Variants in NSD1 observed in about 807,000 individuals in gnomAD.
NSD1 encodes the protein nuclear receptor binding SET domain protein 1.
A neutral mutation model predicts 242.7 loss-of-function variants in NSD1; 26 were observed. That is an observed-to-expected ratio of 0.11 (90% CI 0.08 to 0.15). The LOEUF (loss-of-function observed/expected upper bound fraction) is 0.15. NSD1 is among the 10% of genes least tolerant of loss of function. NSD1 has a pLI of 1.00. For synonymous variants in NSD1, 1,106 were observed against 1,178.1 expected, an observed-to-expected ratio of 0.94 and a Z score of 1.25; for missense variants, 2,495 against 3,272.8, an observed-to-expected ratio of 0.76 and a Z score of 5.80.
At position 177,211,475 on chromosome 5, in the gene NSD1, C is replaced by T. The variant is rs2149847132; in HGVS notation, c.3076C>T (p.Pro1026Ser). 12 of 1,614,116 alleles carry T rather than the reference C, an allele frequency of 7.4e-6. No homozygotes were observed. Among genetic ancestry groups the T allele is most frequent in the Non-Finnish European group, 1.0e-5 (12 of 1,180,034 alleles). Residue 1026 changes from proline (P) to serine (S), a missense_variant, in exon 5 of 23, where the codon CCT becomes TCT. Pro to Ser is a moderately conservative substitution (Grantham distance 74, BLOSUM62 -1). Around this residue, in one of 19 missense-constraint regions of NSD1, gnomAD observed 426 missense variants for 411.4 expected, o/e 1.04. Coordinates refer to ENST00000439151, the MANE Select transcript of NSD1 (RefSeq NM_022455.5). ...VTRRNCGRSK[P>S]SSKLRDAFSA... ...TAGGCGCAACTGTGGACGATCAAAGCCTTCATCCAAATTGCGAGATGCTTT... is the reference window on the plus strand; with the variant it reads ...TAGGCGCAACTGTGGACGATCAAAGTCTTCATCCAAATTGCGAGATGCTTT...
intron 5 of NSD1, among the ~76,000 whole-genome samples, chr5:177,212,450 T>TCTTTCTCA (rs1180192648): frequency 3.3e-5 from 5 of 151,324 alleles, no homozygotes; most frequent in Non-Finnish European, 7.4e-5. Context: ...ATAACATCTT[T>TCTTTCTCA]CTTTCTCACT....
At position 177,218,865 on chromosome 5, in the gene NSD1, G is replaced by T. The variant is rs186007787; in HGVS notation, c.3796+6670G>T. On this transcript the variant is annotated intron_variant, in intron 5 of 22. Transcript: ENST00000439151. ...ATTACATGCATGAGCCACCGCGCCCGGCCCCCCCTTTTTTTTTTCTCCAGC... is the reference window on the plus strand; with the variant it reads ...ATTACATGCATGAGCCACCGCGCCCTGCCCCCCCTTTTTTTTTTCTCCAGC... Among the ~76,000 whole-genome samples the T allele has an allele frequency of 1.9e-4, 29 of 151,752 alleles. No individual in the cohort carries two copies. In the East Asian group the frequency reaches 5.2e-3, roughly 27 times the overall value.
chr5:177,209,514 G>A (rs1763159756), intron 4 of NSD1, 122 bp from the exon 5 acceptor site: 1 of 732,100 alleles, frequency 1.4e-6, no homozygotes, highest in African/African-American at 2.0e-5. Flanking sequence ...GGGCGACAGA[G>A]CAAGACTCTG....
chr5:177,258,982 T>A (rs951261650), intron 13 of NSD1, among the ~76,000 whole-genome samples: 1 of 152,058 alleles, frequency 6.6e-6, no homozygotes, highest in African/African-American at 2.4e-5. Context: ...TTACAGGTGC[T>A]TGCCACCACT....
chr5:177,223,379 C>A (rs1222531399), intron 5 of NSD1, among the ~76,000 whole-genome samples: 1 of 151,996 alleles, frequency 6.6e-6, no homozygotes, highest in Non-Finnish European at 1.5e-5. Context: ...TCGAGACCAG[C>A]CTGGCCAACG....
intron 5 of NSD1, among the ~76,000 whole-genome samples, chr5:177,232,393 C>T (rs1050346202): frequency 5.3e-5 from 8 of 152,070 alleles, no homozygotes; most frequent in Non-Finnish European, 5.9e-5. Context: ...ATCAGAAATC[C>T]AAAATGCTCC....
chr5:177,184,049 A>C (rs941520666), intron 2 of NSD1, among the ~76,000 whole-genome samples: 3 of 152,184 alleles, frequency 2.0e-5, no homozygotes, highest in Non-Finnish European at 4.4e-5. Flanking sequence ...TTGAACACTT[A>C]GGTTATTTCC....
chr5:177,255,283 C>A (rs931635905), intron 12 of NSD1, among the ~76,000 whole-genome samples: 2 of 149,698 alleles, frequency 1.3e-5, no homozygotes, highest in African/African-American at 4.9e-5. Context: ...CCATCCTGGG[C>A]GAGAGAGGGA....
intron 3 of NSD1, among the ~76,000 whole-genome samples, chr5:177,199,470 T>C (rs902089309): frequency 3.3e-5 from 5 of 152,232 alleles, no homozygotes; most frequent in African/African-American, 1.2e-4. Context: ...TTGCCCATGC[T>C]TGTCTTGAAC....
chr5:177,211,733 A>G lies in NSD1; in HGVS notation c.3334A>G (p.Ser1112Gly), dbSNP rs776070363. 2 of 1,614,162 alleles carry G rather than the reference A, an allele frequency of 1.2e-6. No individual in the cohort carries two copies. Among genetic ancestry groups the G allele is most frequent in the Admixed American group, 1.7e-5 (1 of 60,012 alleles). The change falls in exon 5 of 23, where the codon AGC (serine) becomes GGC (glycine). Residue 1112 changes from serine to glycine, a missense_variant. This residue lies in a region of NSD1 where 426 missense variants were observed against 411.4 expected (regional missense o/e 1.04). Transcript: ENST00000439151. ...GDHFSDVHFD[S>G]KVKQSDPGKI... Reference sequence around the variant, plus strand: ...CCATTTTTCTGATGTGCATTTCGATAGCAAGGTTAAGCAATCTGATCCTGG... The same window carrying G: ...CCATTTTTCTGATGTGCATTTCGATGGCAAGGTTAAGCAATCTGATCCTGG...
intron 15 of NSD1, 81 bp downstream of exon 15, chr5:177,267,799 C>G: frequency 2.2e-6 from 3 of 1,375,304 alleles, no homozygotes; most frequent in Non-Finnish European, 3.1e-6. Flanking sequence ...TAACGTATTT[C>G]TAATGATCTA....
chr5:177,158,580 C>G (rs1203732600), intron 2 of NSD1, among the ~76,000 whole-genome samples: 1 of 152,016 alleles, frequency 6.6e-6, no homozygotes, highest in Non-Finnish European at 1.5e-5. Context: ...TCAGGTGATT[C>G]ACCCACCTCG....
At chr5:177,229,834 C>G (rs960889835) in intron 5 of NSD1, 1 of 284,192 alleles carries the variant, frequency 3.5e-6, no homozygotes, top group Non-Finnish European at 7.0e-6. Flanking sequence ...ACCTCCGCCT[C>G]CCAGGTTCAA....
chr5:177,185,609 C>G (rs1395096352), intron 2 of NSD1, among the ~76,000 whole-genome samples: 3 of 140,980 alleles, frequency 2.1e-5, no homozygotes, highest in East Asian at 2.0e-4. Context: ...AAAAACAAAA[C>G]CAAATATATA....
chr5:177,234,968 T>G (rs556208135), intron 5 of NSD1, among the ~76,000 whole-genome samples: 1 of 152,326 alleles, frequency 6.6e-6, no homozygotes, highest in African/African-American at 2.4e-5. Context: ...GTTATTACTG[T>G]TTTTTTATCA....
Position 177,238,701 on chromosome 5 carries a change from A to T in NSD1, c.4192+194A>T, listed in dbSNP as rs116704095. ...TGAACTGTGGCACACTATCAAGAAGATGTATTTTTAATAACTATGCTCCTT... is the reference window on the plus strand; with the variant it reads ...TGAACTGTGGCACACTATCAAGAAGTTGTATTTTTAATAACTATGCTCCTT... On this transcript the variant is annotated intron_variant, in intron 7 of 22. Coordinates refer to ENST00000439151, the MANE Select transcript of NSD1 (RefSeq NM_022455.5). This position sits in a 1 kb window ranked among gnomAD's most constrained non-coding sequence, Gnocchi z 4.6. Among the ~76,000 whole-genome samples, 1 of 152,188 alleles carries T rather than the reference A, an allele frequency of 6.6e-6. No individual in the cohort carries two copies. The highest frequency in any genetic ancestry group is 6.5e-5 in the Admixed American group (1 of 15,272).
chr5:177,294,878 G>A lies in NSD1; in HGVS notation c.7510G>A (p.Val2504Ile), dbSNP rs1005975383. The A allele has an allele frequency of 1.2e-6, 2 of 1,613,474 alleles. No individual in the cohort carries two copies. The highest frequency in any genetic ancestry group is 1.7e-6 in the Non-Finnish European group (2 of 1,179,908). The change falls in exon 23 of 23, where the codon GTT becomes ATT. Residue 2504 changes from valine (V) to isoleucine (I), a missense_variant. Coordinates refer to ENST00000439151, the MANE Select transcript of NSD1 (RefSeq NM_022455.5). ...SKGLGHMPRAVEKGCVSDPLQ... is the reference protein window; with the variant it reads ...SKGLGHMPRAIEKGCVSDPLQ... Reference sequence around the variant, plus strand: ...AGGTCTGGGGCATATGCCGAGAGCTGTTGAGAAAGGCTGTGTGTCAGATCC... The same window carrying A: ...AGGTCTGGGGCATATGCCGAGAGCTATTGAGAAAGGCTGTGTGTCAGATCC...
intron 3 of NSD1, among the ~76,000 whole-genome samples, chr5:177,195,017 G>A (rs943508236): frequency 1.6e-4 from 24 of 152,014 alleles, no homozygotes; most frequent in African/African-American, 5.1e-4. Flanking sequence ...AAATTAGCCA[G>A]GTGTGTTGGC....
intron 2 of NSD1, among the ~76,000 whole-genome samples, chr5:177,185,303 A>G (rs1761011125): frequency 1.3e-5 from 2 of 151,650 alleles, no homozygotes; most frequent in African/African-American, 4.8e-5. Context: ...CCCTGTCTCT[A>G]CAAAAAATAT....
Sources: gnomAD v4.1 joint callset for allele counts (sites outside exome capture counted in the v4.1 genomes callset) on GRCh38, gnomAD v4.1.1 for gene constraint, gnomAD v4.1.1 regional missense constraint, Gnocchi (gnomAD v3.1) non-coding constraint, MANE v1.5 for transcripts, NCBI Gene and HGNC (gene_info 2026-07-23, HGNC 2026-07-21) for gene names.